Variants in CCDC7 observed in about 807,000 individuals in gnomAD.
CCDC7 encodes coiled-coil domain-containing protein 7.
In CCDC7, 183 loss-of-function variants were observed where a neutral mutation model predicts 196.9. The ratio of observed to expected loss-of-function variants is 0.93; its 90% CI spans 0.82 to 1.05. The LOEUF (loss-of-function observed/expected upper bound fraction) is 1.05, where lower values mean the gene tolerates loss of function less well. CCDC7 is among the 50% of genes least tolerant of loss of function. The pLI, the probability that CCDC7 is intolerant of heterozygous loss-of-function variation, is 0.00. For missense variants in CCDC7, 1,540 were observed against 1,482.2 expected (o/e 1.04, Z -0.64); for synonymous variants, 525 against 484.6 (o/e 1.08, Z -1.10).
chr10:32,717,753 A>G (rs753306697), intron 25 of CCDC7, among the ~76,000 whole-genome samples: 7 of 152,178 alleles, frequency 4.6e-5, no homozygotes, highest in Admixed American at 1.3e-4. Context: ...AAACACCTTT[A>G]TGAAAATAAA....
chr10:32,833,440 G>A (rs2135941497), intron 32 of CCDC7, among the ~76,000 whole-genome samples: 1 of 151,770 alleles, frequency 6.6e-6, no homozygotes, highest in Middle Eastern at 3.4e-3. Flanking sequence ...TTACGAAGAA[G>A]GAAAATTGTG....
intron 28 of CCDC7, among the ~76,000 whole-genome samples, chr10:32,772,578 C>T (rs144450832): frequency 1.1e-3 from 168 of 152,334 alleles, no homozygotes; most frequent in African/African-American, 3.9e-3. Flanking sequence ...ATTGTGAAAC[C>T]GTGTTGGGAG....
At chr10:32,659,280 T>A (rs926848946) in intron 20 of CCDC7, among the ~76,000 whole-genome samples, 2 of 152,230 alleles carry the variant, frequency 1.3e-5, no homozygotes, top group Non-Finnish European at 2.9e-5. Flanking sequence ...TTTTATTTTC[T>A]CATTGACTCA....
Position 32,824,609 on chromosome 10 carries a change from G to A in CCDC7, c.3268+5G>A, listed in dbSNP as rs527687843. 25 of 1,594,050 alleles carry A rather than the reference G, an allele frequency of 1.6e-5. No individual in the cohort carries two copies. Among genetic ancestry groups the A allele is most frequent in the Non-Finnish European group, 2.1e-5 (25 of 1,165,984 alleles). ...TAAAGAGAAAGAGTTACCCTGGTAAGAATAAGAATTTTTAAAATCTACTTA... is the reference window on the plus strand; with the variant it reads ...TAAAGAGAAAGAGTTACCCTGGTAAAAATAAGAATTTTTAAAATCTACTTA... On this transcript the variant is annotated splice_donor_5th_base_variant and intron_variant, in intron 32 of 41. Transcript: ENST00000639629.
intron 21 of CCDC7, among the ~76,000 whole-genome samples, chr10:32,665,482 TG>T (rs1244172498): frequency 3.3e-5 from 5 of 152,230 alleles, no homozygotes; most frequent in African/African-American, 1.2e-4. Context: ...AGTTGATTTT[TG>T]TATATAGTGT....
Position 32,805,101 on chromosome 10 carries a change from A to C in CCDC7, c.3097+3A>C, listed in dbSNP as rs745916277. 1.9e-6 allele frequency: 3 copies of C among 1,596,548 alleles called. No individual in the cohort carries two copies. Among genetic ancestry groups the C allele is most frequent in the Non-Finnish European group, 2.6e-6 (3 of 1,165,320 alleles). On this transcript the variant is annotated splice_donor_region_variant and intron_variant, in intron 30 of 41. Transcript: ENST00000639629. ...GACACAGTCAAAGAGTTTCCCTGGT[A>C]AGAAAATATTTTTAAGTCTAATATT...
chr10:32,722,128 T>A (rs1164555511), intron 25 of CCDC7, among the ~76,000 whole-genome samples: 1 of 151,918 alleles, frequency 6.6e-6, no homozygotes, highest in Non-Finnish European at 1.5e-5. Context: ...AGTTCATGGA[T>A]TTTTTTTGGT....
chr10:32,799,333 T>C (rs1344096931), intron 29 of CCDC7, among the ~76,000 whole-genome samples: 1 of 152,194 alleles, frequency 6.6e-6, no homozygotes, highest in Admixed American at 6.5e-5. Flanking sequence ...AGCATCCCTA[T>C]CTGCCACTGA....
At chr10:32,777,033 C>A (rs1375331116) in intron 28 of CCDC7, among the ~76,000 whole-genome samples, 1 of 152,092 alleles carries the variant, frequency 6.6e-6, no homozygotes, top group South Asian at 2.1e-4. Context: ...CCCAAGAGGT[C>A]ATTTTACCCC....
chr10:32,828,485 GGAAGAAGAAGAAGAA>G (rs68150303), intron 32 of CCDC7, among the ~76,000 whole-genome samples: 1,028 of 49,424 alleles, frequency 0.021, 17 homozygotes, highest in East Asian at 0.06. Context: ...AAGAGGAAGA[GGAAGAAGAAGAAGAA>G]GAAGAAGAAG....
At chr10:32,683,536 A>T (rs1278886326) in intron 21 of CCDC7, among the ~76,000 whole-genome samples, 1 of 152,116 alleles carries the variant, frequency 6.6e-6, no homozygotes, top group Non-Finnish European at 1.5e-5. Context: ...GTTTGATAGG[A>T]ATAGCATAGA....
At position 32,773,550 on chromosome 10, in the gene CCDC7, T is replaced by G. The variant is rs567310646; in HGVS notation, c.2906-5427T>G. On this transcript the variant is annotated intron_variant, in intron 28 of 41. Coordinates refer to ENST00000639629, the Ensembl canonical transcript of CCDC7. ...ATTGTTTCTATTTCTTGGTTAAATT[T>G]CTAATTTTGTTCCTGAATTGTTTTC... 5.6e-4 allele frequency among the ~76,000 whole-genome samples: 86 copies of G among 152,292 alleles called. No individual in the cohort carries two copies. In the Middle Eastern group the frequency reaches 0.014, roughly 24 times the overall value.
At chr10:32,519,220 A>G (rs893309273) in intron 11 of CCDC7, among the ~76,000 whole-genome samples, 3 of 152,182 alleles carry the variant, frequency 2.0e-5, no homozygotes, top group African/African-American at 7.2e-5. Flanking sequence ...TTTAGGTATC[A>G]TGCCAAATAG....
At chr10:32,820,761 A>T (rs1247487515) in intron 31 of CCDC7, among the ~76,000 whole-genome samples, 2 of 152,250 alleles carry the variant, frequency 1.3e-5, no homozygotes, top group Non-Finnish European at 2.9e-5. Flanking sequence ...CTGGCTAGCC[A>T]TATGTAGAAA....
At chr10:32,711,226 GTTCA>G (rs2080788338) in intron 24 of CCDC7, among the ~76,000 whole-genome samples, 2 of 151,402 alleles carry the variant, frequency 1.3e-5, no homozygotes, top group African/African-American at 4.9e-5. Context: ...ATATATATAT[GTTCA>G]TTCAGCCAGT....
intron 32 of CCDC7, among the ~76,000 whole-genome samples, chr10:32,825,278 G>A (rs980632413): frequency 6.6e-6 from 1 of 152,154 alleles, no homozygotes; most frequent in Non-Finnish European, 1.5e-5. Context: ...TATTGATCCT[G>A]GTGTGTCTGT....
At position 32,596,858 on chromosome 10, in the gene CCDC7, C is replaced by G. The variant is rs1258661260; in HGVS notation, c.1801+12554C>G. ...TAAGAATGTTGAATATTGGCCCCCA[C>G]TCTCTTCTGGCTTGTAGAGTTTCTG... On this transcript the variant is annotated intron_variant, in intron 18 of 41. Transcript: ENST00000639629. Among the ~76,000 whole-genome samples, 6 of 152,340 alleles carry G rather than the reference C, an allele frequency of 3.9e-5. No individual in the cohort carries two copies. In the East Asian group the frequency reaches 9.6e-4, roughly 24 times the overall value.
intron 18 of CCDC7, among the ~76,000 whole-genome samples, chr10:32,615,726 C>T (rs1009728888): frequency 6.6e-6 from 1 of 151,880 alleles, no homozygotes; most frequent in African/African-American, 2.4e-5. Context: ...GCTTTGAGGA[C>T]TTGTTCATAA....
intron 41 of CCDC7, among the ~76,000 whole-genome samples, chr10:32,857,868 A>G (rs1403131775): frequency 1.3e-5 from 2 of 151,994 alleles, no homozygotes; most frequent in African/African-American, 2.4e-5. Flanking sequence ...AATAAAATAA[A>G]ATAGACAAAA....
Sources: allele counts gnomAD v4.1 joint callset (sites outside exome capture counted in the v4.1 genomes callset), GRCh38; gene constraint gnomAD v4.1.1; transcripts MANE v1.5; gene names NCBI Gene and HGNC (gene_info 2026-07-23, HGNC 2026-07-21).